The following EPHA5 variants were observed in gnomAD, a reference collection of about 807,000 sequenced individuals.
EPHA5 encodes EPH receptor A5.
Under a neutral mutation model 105.0 loss-of-function variants are expected in EPHA5, and 60 were observed. The observed-to-expected ratio is 0.57, with a 90% CI of 0.46 to 0.71. EPHA5 has a LOEUF of 0.71. Among genes scored for constraint, EPHA5 ranks in the 30% least tolerant of loss-of-function variants. The probability of loss-of-function intolerance (pLI) is 0.00; values close to 1 mark genes in which losing one functional copy is unlikely to be tolerated. For missense variants in EPHA5, 1,218 were observed against 1,274.7 expected (o/e 0.96, Z 0.68); for synonymous variants, 513 against 449.1 (o/e 1.14, Z -1.80).
chr4:65,386,287 TA>T (rs571416334), intron 8 of EPHA5, among the ~76,000 whole-genome samples: 7 of 152,008 alleles, frequency 4.6e-5, no homozygotes, highest in African/African-American at 1.4e-4. Context: ...AATCTAAAAA[TA>T]AAAATAAATT....
At chr4:65,380,706 T>C (rs1719473647) in intron 8 of EPHA5, among the ~76,000 whole-genome samples, 1 of 151,800 alleles carries the variant, frequency 6.6e-6, no homozygotes, top group Admixed American at 6.6e-5. Context: ...AAAGGCTGCA[T>C]AATTTTCCTA....
At chr4:65,426,544 C>T (rs9986026) in intron 5 of EPHA5, among the ~76,000 whole-genome samples, 10,854 of 152,090 alleles carry the variant, frequency 0.071, 622 homozygotes, top group African/African-American at 0.15. Flanking sequence ...GGAGGTACTT[C>T]TACTGTCTTA....
chr4:65,520,939 G>C (rs1034401748), intron 3 of EPHA5, among the ~76,000 whole-genome samples: 2 of 151,972 alleles, frequency 1.3e-5, no homozygotes, highest in African/African-American at 4.8e-5. Flanking sequence ...ACTGTAAACT[G>C]CTTCAACCAT....
At chr4:65,504,738 T>A (rs1732836501) in intron 3 of EPHA5, among the ~76,000 whole-genome samples, 1 of 151,924 alleles carries the variant, frequency 6.6e-6, no homozygotes, top group Non-Finnish European at 1.5e-5. Context: ...TTTTTGTTTA[T>A]CTAATTGAAC....
At chr4:65,334,618 A>T (rs1720994741) in intron 15 of EPHA5, among the ~76,000 whole-genome samples, 1 of 151,988 alleles carries the variant, frequency 6.6e-6, no homozygotes, top group South Asian at 2.1e-4. Flanking sequence ...CAGGATATGC[A>T]CATGACTGAA....
intron 2 of EPHA5, among the ~76,000 whole-genome samples, chr4:65,636,567 T>C (rs1747139099): frequency 6.6e-6 from 1 of 152,126 alleles, no homozygotes; most frequent in African/African-American, 2.4e-5. Context: ...CTTTGTGCAT[T>C]GTCATTATTA....
intron 14 of EPHA5, among the ~76,000 whole-genome samples, chr4:65,338,544 A>T (rs992320741): frequency 6.6e-6 from 1 of 151,966 alleles, no homozygotes; most frequent in Non-Finnish European, 1.5e-5. Flanking sequence ...TTAAGAAGTT[A>T]TTTGACCTGT....
intron 5 of EPHA5, among the ~76,000 whole-genome samples, chr4:65,425,643 T>C (rs1174672137): frequency 6.6e-6 from 1 of 151,794 alleles, no homozygotes; most frequent in African/African-American, 2.4e-5. Context: ...ATAATTATTA[T>C]TAATGCTTCT....
chr4:65,383,089 ATCT>A (rs1439418887), intron 8 of EPHA5, among the ~76,000 whole-genome samples: 2 of 149,560 alleles, frequency 1.3e-5, no homozygotes, highest in Non-Finnish European at 3.0e-5. Context: ...ATATGTAAAA[ATCT>A]TATGCATAAA....
intron 5 of EPHA5, among the ~76,000 whole-genome samples, chr4:65,473,185 G>C (rs1006831578): frequency 1.3e-4 from 19 of 151,994 alleles, no homozygotes; most frequent in Non-Finnish European, 7.4e-5. Flanking sequence ...CAGCATTTTG[G>C]TCAAAAAACA....
In EPHA5 at chr4:65,490,589, T is replaced by G. The variant is rs751943818; in HGVS notation, c.1190A>C (p.Lys397Thr). 7.4e-6 allele frequency: 12 copies of G among 1,614,038 alleles called. No individual in the cohort carries two copies. The highest frequency in any genetic ancestry group is 3.3e-5 in the Admixed American group (2 of 59,992). The change falls in exon 5 of 17, where the codon AAG (lysine) becomes ACG (threonine). Residue 397 changes from lysine (K) to threonine (T), a missense_variant. Lys to Thr is a moderately conservative substitution (Grantham distance 78). Around this residue, in one of 3 missense-constraint regions of EPHA5, gnomAD observed 971 missense variants for 1,013.5 expected, o/e 0.96. Coordinates refer to ENST00000613740, the MANE Select transcript of EPHA5 (RefSeq NM_001281766.3). Reference sequence around the variant, plus strand: ...ACACACACCTGCATGGGAGTTGCACTTCTTGCATGCAATATAATATGACAC... The same window carrying G: ...ACACACACCTGCATGGGAGTTGCACGTCTTGCATGCAATATAATATGACAC... ...KDVSYYIACK[K>T]CNSHAGVCEE...
At chr4:65,468,660 A>AATATATATAATATATATTTATATAT (rs1187328932) in intron 5 of EPHA5, among the ~76,000 whole-genome samples, 1 of 10,866 alleles carries the variant, frequency 9.2e-5, no homozygotes, top group African/African-American at 1.6e-4. Flanking sequence ...ATATATGTAA[A>AATATATATAATATATATTTATATAT]ATATATATAA....
rs139951697 is a variant in EPHA5 at position 65,496,881 on chromosome 4, G to A, written c.911-1338C>T. The stretch of plus-strand genomic sequence containing the variant: ...GCATGAATATTATAACAACTATTTA[G>A]AATCACATAAAGAAAGTGTTTTCTG... On this transcript the variant is annotated intron_variant, in intron 3 of 16. Transcript: ENST00000613740. Among the ~76,000 whole-genome samples the A allele has an allele frequency of 6.5e-3, 986 of 152,224 alleles. 37 individuals carry two copies. The highest frequency in any genetic ancestry group is 0.058 in the Admixed American group (879 of 15,268).
At position 65,602,147 on chromosome 4, in the gene EPHA5, C is replaced by T. The variant is rs939351025; in HGVS notation, c.404G>A (p.Arg135Gln). The change falls in exon 3 of 17, where the codon CGG becomes CAG. Residue 135 changes from arginine to glutamine, a missense_variant. Transcript: ENST00000613740. ...TCCTCCAGGAAGGCTGTTGCAGTCC[C>T]GCAGGGTAAATTTGAGTTCTATGAA... ...RIFIELKFTL[R>Q]DCNSLPGGLG... is the part of the protein sequence containing the mutation. 1 of 1,613,998 alleles carries T rather than the reference C, an allele frequency of 6.2e-7. No individual in the cohort carries two copies. Among genetic ancestry groups the T allele is most frequent in the Non-Finnish European group, 8.5e-7 (1 of 1,179,998 alleles).
At chr4:65,424,129 T>C (rs1052707324) in intron 5 of EPHA5, among the ~76,000 whole-genome samples, 4 of 152,002 alleles carry the variant, frequency 2.6e-5, no homozygotes, top group Non-Finnish European at 5.9e-5. Context: ...GTCTAGTATG[T>C]ACTGAATTGT....
At chr4:65,397,597 T>A (rs576133614) in intron 8 of EPHA5, among the ~76,000 whole-genome samples, 1 of 142,540 alleles carries the variant, frequency 7.0e-6, no homozygotes, top group Non-Finnish European at 1.6e-5. Context: ...ATAGTCTACG[T>A]TTTAGATTTC....
rs376727881 is a variant in EPHA5 at position 65,376,330 on chromosome 4, G to C, written c.1794-8906C>G. ...ACAAAGTAGCTCCCATTGTGTAGGAGTTCCAATACATCTGTGAATAATCGT... is the reference window on the plus strand; with the variant it reads ...ACAAAGTAGCTCCCATTGTGTAGGACTTCCAATACATCTGTGAATAATCGT... On this transcript the variant is annotated intron_variant, in intron 8 of 16. Transcript: ENST00000613740. Among the ~76,000 whole-genome samples, 781 of 152,090 alleles carry C rather than the reference G, an allele frequency of 5.1e-3. 10 individuals carry two copies. Among genetic ancestry groups the C allele is most frequent in the African/African-American group, 0.018 (748 of 41,526 alleles).
intron 5 of EPHA5, among the ~76,000 whole-genome samples, chr4:65,424,694 C>T (rs1436279281): frequency 6.6e-6 from 1 of 152,014 alleles, no homozygotes; most frequent in Non-Finnish European, 1.5e-5. Context: ...CTTTAAAATG[C>T]TCGATGAGAT....
At chr4:65,616,861 G>A (rs1471090895) in intron 2 of EPHA5, among the ~76,000 whole-genome samples, 1 of 151,940 alleles carries the variant, frequency 6.6e-6, no homozygotes, top group African/African-American at 2.4e-5. Context: ...GAAAACAAAT[G>A]TTCTTTAGGG....
Sources: gnomAD v4.1 joint callset for allele counts (sites outside exome capture counted in the v4.1 genomes callset) on GRCh38, gnomAD v4.1.1 for gene constraint, gnomAD v4.1.1 regional missense constraint, MANE v1.5 for transcripts, NCBI Gene and HGNC (gene_info 2026-07-23, HGNC 2026-07-21) for gene names.